The following CAMK1G variants were observed in gnomAD, a reference collection of about 807,000 sequenced individuals.
The protein encoded by CAMK1G is calcium/calmodulin dependent protein kinase IG, also known as calcium/calmodulin-dependent protein kinase type 1G.
Under a neutral mutation model 54.8 loss-of-function variants are expected in CAMK1G, and 27 were observed. The observed-to-expected ratio is 0.49, with a 90% CI of 0.36 to 0.68. CAMK1G has a LOEUF of 0.68. Among genes scored for constraint, CAMK1G ranks in the 30% least tolerant of loss-of-function variants. CAMK1G has a pLI of 0.00. For synonymous variants in CAMK1G, 238 were observed against 224.9 expected (o/e 1.06, Z -0.52); for missense variants, 512 against 591.0 (o/e 0.87, Z 1.39).
chr1:209,590,762 GC>G (rs1665226265), intron 1 of CAMK1G, among the ~76,000 whole-genome samples: 1 of 152,048 alleles, frequency 6.6e-6, no homozygotes, highest in East Asian at 1.9e-4. Flanking sequence ...AGGCACATAG[GC>G]GGCTGATTTT....
At chr1:209,587,068 G>T (rs1051639058) in intron 1 of CAMK1G, among the ~76,000 whole-genome samples, 1 of 152,014 alleles carries the variant, frequency 6.6e-6, no homozygotes, top group Non-Finnish European at 1.5e-5. Context: ...ATGCAGAATG[G>T]CAGTGGCAGA....
intron 1 of CAMK1G, among the ~76,000 whole-genome samples, chr1:209,588,204 A>G (rs1170426199): frequency 6.6e-6 from 1 of 152,212 alleles, no homozygotes; most frequent in Non-Finnish European, 1.5e-5. Context: ...CTGTGAGCTT[A>G]AGATTGCAGA....
intron 2 of CAMK1G, among the ~76,000 whole-genome samples, chr1:209,596,154 C>T (rs1182002139): frequency 6.6e-6 from 1 of 152,244 alleles, no homozygotes; most frequent in East Asian, 1.9e-4. Flanking sequence ...AGAGAAGACA[C>T]TTCTGGGCCC....
At position 209,605,438 on chromosome 1, in the gene CAMK1G, C is replaced by T. The variant is rs147602569; in HGVS notation, c.297-98C>T. 251 of 1,426,834 alleles carry T rather than the reference C, an allele frequency of 1.8e-4. 1 individual carries two copies. In the African/African-American group the frequency reaches 2.6e-3, roughly 15 times the overall value. 88.4% of individuals were successfully genotyped at this position (1,426,834 alleles called of 1,614,324 possible). On this transcript the variant is annotated intron_variant, in intron 4 of 12. Coordinates refer to ENST00000361322, the MANE Select transcript of CAMK1G (RefSeq NM_020439.3). ...CACAGTTCATGGGGGCCTGCCTGTT[C>T]CACTGCAGCTGTGTCCCCCAAGGCT...
rs2102392203 is a variant in CAMK1G, at chr1:209,605,576, G to A, written c.337G>A (p.Gly113Ser). 6.2e-7 allele frequency: 1 copy of A among 1,614,064 alleles called. No homozygotes were observed. Among genetic ancestry groups the A allele is most frequent in the South Asian group, 1.1e-5 (1 of 91,070 alleles). Reference sequence around the variant, plus strand: ...GCTCTTTGACCGGATCCTGGAGCGGGGTGTCTACACAGAGAAGGATGCCAG... The same window carrying A: ...GCTCTTTGACCGGATCCTGGAGCGGAGTGTCTACACAGAGAAGGATGCCAG... Reference protein sequence around the residue: ...GELFDRILERGVYTEKDASLV... With the variant: ...GELFDRILERSVYTEKDASLV... The change falls in exon 5 of 13, where the codon GGT (glycine) becomes AGT (serine). Residue 113 changes from glycine to serine, a missense_variant. Around this residue, in one of 3 missense-constraint regions of CAMK1G, gnomAD observed 186 missense variants for 231.5 expected, o/e 0.80. Transcript: ENST00000361322.
chr1:209,600,128 G>A lies in CAMK1G; in HGVS notation c.221+17G>A, dbSNP rs1256579456. ...GTTGAAAAAGTGAGTGGGTCTTAGTGTTGACTGGATCACTATGGGATCACA... is the reference window on the plus strand; with the variant it reads ...GTTGAAAAAGTGAGTGGGTCTTAGTATTGACTGGATCACTATGGGATCACA... On this transcript the variant is annotated intron_variant, in intron 3 of 12. Transcript: ENST00000361322. The A allele has an allele frequency of 6.2e-7, 1 of 1,611,626 alleles. No homozygotes were observed. The highest frequency in any genetic ancestry group is 1.3e-5 in the African/African-American group (1 of 74,868).
chr1:209,594,907 G>GCTGAC, intron 1 of CAMK1G, 48 bp from the exon 2 acceptor site: 1 of 1,140,522 alleles, frequency 8.8e-7, no homozygotes, highest in Admixed American at 2.2e-5. Flanking sequence ...TGAGAAAGCA[G>GCTGAC]CTGACCAGAC....
At chr1:209,602,241 C>T (rs1324977762) in intron 3 of CAMK1G, among the ~76,000 whole-genome samples, 1 of 152,150 alleles carries the variant, frequency 6.6e-6, no homozygotes, top group African/African-American at 2.4e-5. Context: ...CGCCTCTACC[C>T]ACTAGATGCC....
rs908649695 is a variant in CAMK1G, at chr1:209,587,810, G to A, written c.-30+4038G>A. On this transcript the variant is annotated intron_variant, in intron 1 of 12. Transcript: ENST00000361322. ...AGAGTCTAGAAAATTGTGTGACCCA[G>A]CAAGAAAACTTCCCAACTTTTGCCT... 2.0e-5 allele frequency among the ~76,000 whole-genome samples: 3 copies of A among 152,106 alleles called. No homozygotes were observed. The East Asian group carries it at 5.8e-4, about 29-fold the overall frequency.
intron 2 of CAMK1G, among the ~76,000 whole-genome samples, chr1:209,595,358 G>T (rs1036220000): frequency 2.0e-5 from 3 of 152,104 alleles, no homozygotes; most frequent in Non-Finnish European, 4.4e-5. Flanking sequence ...GGAGGCGGAG[G>T]TTGCAGTGAA....
At chr1:209,609,335 G>A (rs1665725053) in intron 8 of CAMK1G, among the ~76,000 whole-genome samples, 1 of 152,202 alleles carries the variant, frequency 6.6e-6, no homozygotes, top group African/African-American at 2.4e-5. Context: ...AAGGAGATGG[G>A]GGGGCAGTTT....
Position 209,611,479 on chromosome 1 carries a change from C to T in CAMK1G, c.842C>T (p.Thr281Ile). Residue 281 changes from threonine (T) to isoleucine (I), a missense_variant, in exon 10 of 13, where the codon ACA becomes ATA. By Grantham distance (89) the Thr-to-Ile change is moderately conservative. Around this residue, in one of 3 missense-constraint regions of CAMK1G, gnomAD observed 315 missense variants for 330.5 expected, o/e 0.95. Coordinates refer to ENST00000361322, the MANE Select transcript of CAMK1G (RefSeq NM_020439.3). Reference protein sequence around the residue: ...ALSHPWIDGNTALHRDIYPSV... With the variant: ...ALSHPWIDGNIALHRDIYPSV... ...TACATCCACAGGATTGACGGAAACACAGCCCTCCACCGGGACATCTACCCA... is the reference window on the plus strand; with the variant it reads ...TACATCCACAGGATTGACGGAAACATAGCCCTCCACCGGGACATCTACCCA... 6.8e-6 allele frequency: 11 copies of T among 1,614,176 alleles called. No individual in the cohort carries two copies. Among genetic ancestry groups the T allele is most frequent in the Non-Finnish European group, 7.6e-6 (9 of 1,180,020 alleles).
At chr1:209,605,402 A>G (rs1665623049) in intron 4 of CAMK1G, 134 bp from the exon 5 acceptor site, 2 of 1,011,022 alleles carry the variant, frequency 2.0e-6, no homozygotes, top group African/African-American at 1.6e-5. Flanking sequence ...GTCTGCTGGC[A>G]GCCCTTCAAT....
At chr1:209,606,170 T>G in intron 5 of CAMK1G, 150 bp from the exon 6 acceptor site, 1 of 970,866 alleles carries the variant, frequency 1.0e-6, no homozygotes, top group Non-Finnish European at 1.6e-6. Context: ...AGGGTGCAGG[T>G]AGGAGGAAGA....
chr1:209,585,729 C>A (rs961722125), intron 1 of CAMK1G, among the ~76,000 whole-genome samples: 3 of 152,252 alleles, frequency 2.0e-5, no homozygotes, highest in Admixed American at 6.5e-5. Context: ...GAGCGCCTCC[C>A]TCGCTCCCTC....
At chr1:209,606,180 A>T in intron 5 of CAMK1G, 140 bp from the exon 6 acceptor site, 1 of 1,085,974 alleles carries the variant, frequency 9.2e-7, no homozygotes, top group Non-Finnish European at 1.3e-6. Context: ...TAGGAGGAAG[A>T]AGGGAAGAAT....
intron 9 of CAMK1G, among the ~76,000 whole-genome samples, chr1:209,610,438 CT>C (rs1212208915): frequency 6.6e-6 from 1 of 152,166 alleles, no homozygotes; most frequent in Non-Finnish European, 1.5e-5. Context: ...GCCTGGATTC[CT>C]TTGTCTTTCC....
chr1:209,591,139 T>G (rs990932805), intron 1 of CAMK1G, among the ~76,000 whole-genome samples: 13 of 152,084 alleles, frequency 8.5e-5, no homozygotes, highest in Admixed American at 7.9e-4. Flanking sequence ...AGGGTCCATT[T>G]GTCTCCACCT....
intron 9 of CAMK1G, among the ~76,000 whole-genome samples, chr1:209,610,794 C>G (rs937644016): frequency 7.9e-5 from 12 of 152,148 alleles, no homozygotes; most frequent in Non-Finnish European, 1.5e-4. Context: ...AGACTGTAGG[C>G]TCCTAGGGGT....
Sources: gnomAD v4.1 joint callset for allele counts (sites outside exome capture counted in the v4.1 genomes callset) on GRCh38, gnomAD v4.1.1 for gene constraint, gnomAD v4.1.1 regional missense constraint, MANE v1.5 for transcripts, NCBI Gene and HGNC (gene_info 2026-07-23, HGNC 2026-07-21) for gene names.